Variants in CLINT1 observed in about 807,000 individuals in gnomAD.
CLINT1 encodes clathrin interacting protein localized in the trans-Golgi region.
A neutral mutation model predicts 70.4 loss-of-function variants in CLINT1; 15 were observed. The observed-to-expected ratio is 0.21, with a 90% CI of 0.14 to 0.33. The LOEUF (loss-of-function observed/expected upper bound fraction) is 0.33, where lower values mean the gene tolerates loss of function less well. Ranked by LOEUF, CLINT1 falls within the 10% of genes least tolerant of loss-of-function variation. CLINT1 has a pLI of 1.00. For synonymous variants in CLINT1, 227 were observed against 254.7 expected, an observed-to-expected ratio of 0.89 and a Z score of 1.04; for missense variants, 615 against 778.1, an observed-to-expected ratio of 0.79 and a Z score of 2.49.
At chr5:157,833,169 G>A (rs990644012) in intron 1 of CLINT1, among the ~76,000 whole-genome samples, 3 of 149,146 alleles carry the variant, frequency 2.0e-5, no homozygotes, top group Admixed American at 6.6e-5. Flanking sequence ...TGGCCAACAC[G>A]GTGAAACCCT....
intron 1 of CLINT1, among the ~76,000 whole-genome samples, chr5:157,844,421 G>A (rs1244905204): frequency 1.3e-5 from 2 of 152,018 alleles, no homozygotes; most frequent in Admixed American, 6.6e-5. Context: ...TTACAGAACC[G>A]TAAGCTGCCT....
chr5:157,857,408 C>T (rs935860820), intron 1 of CLINT1, among the ~76,000 whole-genome samples: 2 of 151,874 alleles, frequency 1.3e-5, no homozygotes, highest in African/African-American at 2.4e-5. Context: ...CTAAATAGTC[C>T]GAAATAAATA....
At chr5:157,825,565 T>C (rs1194751870) in intron 1 of CLINT1, among the ~76,000 whole-genome samples, 2 of 152,132 alleles carry the variant, frequency 1.3e-5, no homozygotes, top group African/African-American at 2.4e-5. Flanking sequence ...AAAATACCTT[T>C]AAAACATGGC....
chr5:157,826,167 G>A (rs1763029774), intron 1 of CLINT1, among the ~76,000 whole-genome samples: 1 of 152,094 alleles, frequency 6.6e-6, no homozygotes, highest in African/African-American at 2.4e-5. Flanking sequence ...GAAGATTAAA[G>A]ACCCTTGTGT....
At chr5:157,817,979 G>T (rs989076203) in intron 1 of CLINT1, among the ~76,000 whole-genome samples, 20 of 152,138 alleles carry the variant, frequency 1.3e-4, no homozygotes, top group African/African-American at 4.8e-4. Context: ...TGTAACAGCT[G>T]AACAGTATCT....
rs184071411 is a variant in CLINT1 at position 157,836,909 on chromosome 5, T to G, written c.42-19362A>C. ...AATTATTTTGTTTACTTGCTCTTTT[T>G]ATTTACCTCTACCAAAACTTGTTTA... On this transcript the variant is annotated intron_variant, in intron 1 of 11. Coordinates refer to ENST00000411809, the MANE Select transcript of CLINT1 (RefSeq NM_014666.4). 1.6e-3 allele frequency among the ~76,000 whole-genome samples: 244 copies of G among 152,320 alleles called. 2 individuals carry two copies. The highest frequency in any genetic ancestry group is 5.5e-3 in the African/African-American group (228 of 41,562).
At chr5:157,808,935 T>C (rs1762463332) in intron 6 of CLINT1, among the ~76,000 whole-genome samples, 1 of 152,090 alleles carries the variant, frequency 6.6e-6, no homozygotes, top group African/African-American at 2.4e-5. Context: ...CAAAATAATC[T>C]ATACAAGTTT....
chr5:157,833,665 C>T (rs781765599), intron 1 of CLINT1, among the ~76,000 whole-genome samples: 4 of 152,032 alleles, frequency 2.6e-5, no homozygotes, highest in African/African-American at 7.2e-5. Flanking sequence ...TGTATCAGAC[C>T]GGTGTGGCAG....
chr5:157,797,395 C>T (rs1340215288), intron 8 of CLINT1, among the ~76,000 whole-genome samples: 1 of 151,768 alleles, frequency 6.6e-6, no homozygotes, highest in African/African-American at 2.4e-5. Flanking sequence ...TTCTGTTTTT[C>T]TTTGTTTTTG....
rs187243473 is a variant in CLINT1 at position 157,836,936 on chromosome 5, A to G, written c.42-19389T>C. Among the ~76,000 whole-genome samples, 360 of 152,318 alleles carry G rather than the reference A, an allele frequency of 2.4e-3. 1 individual carries two copies. Among genetic ancestry groups the G allele is most frequent in the African/African-American group, 8.4e-3 (351 of 41,572 alleles). ...TTTACCTCTACCAAAACTTGTTTAC[A>G]GGTATATTTTCAAGTACCTACAAGA... On this transcript the variant is annotated intron_variant, in intron 1 of 11. Coordinates refer to ENST00000411809, the MANE Select transcript of CLINT1 (RefSeq NM_014666.4).
intron 5 of CLINT1, among the ~76,000 whole-genome samples, chr5:157,812,725 A>G (rs930908924): frequency 6.6e-6 from 1 of 152,160 alleles, no homozygotes. Context: ...TTTATACTCT[A>G]AACTCTGAGT....
Position 157,791,824 on chromosome 5 carries a change from G to C in CLINT1, c.1259C>G (p.Ser420Cys), listed in dbSNP as rs757048456. 4.3e-6 allele frequency: 7 copies of C among 1,613,902 alleles called. No homozygotes were observed. In the African/African-American group the frequency reaches 6.7e-5, roughly 15 times the overall value. ...ALGPPPAASNSSDLFDLMGSS... is the reference protein window; with the variant it reads ...ALGPPPAASNCSDLFDLMGSS... ...GCCCATAAGATCAAACAGGTCTGAA[G>C]AATTTGAGGCAGCAGGAGGTGGGCC... Residue 420 changes from serine to cysteine, a missense_variant, in exon 10 of 12, where the codon TCT becomes TGT. Transcript: ENST00000411809.
chr5:157,850,923 T>C (rs1275623514), intron 1 of CLINT1, among the ~76,000 whole-genome samples: 4 of 152,122 alleles, frequency 2.6e-5, no homozygotes, highest in Non-Finnish European at 2.9e-5. Flanking sequence ...GCCTCCCATG[T>C]AGCTGGGACT....
At chr5:157,839,626 C>CAAACA (rs1554102215) in intron 1 of CLINT1, among the ~76,000 whole-genome samples, 1 of 146,500 alleles carries the variant, frequency 6.8e-6, no homozygotes, top group African/African-American at 2.5e-5. Flanking sequence ...AAAAAACAAA[C>CAAACA]AAAAAAAAAC....
intron 1 of CLINT1, among the ~76,000 whole-genome samples, chr5:157,832,665 T>C (rs774174771): frequency 2.0e-5 from 3 of 152,214 alleles, no homozygotes; most frequent in African/African-American, 4.8e-5. Context: ...GCACCACAAA[T>C]TCATCACTAC....
Position 157,838,978 on chromosome 5 carries a change from T to C in CLINT1, c.41+19952A>G, listed in dbSNP as rs998961062. Reference sequence around the variant, plus strand: ...GACCAGGTGTGCTGGCTCATGCCTATAATCCCAGCACTTTGGGAGGTGGGC... The same window carrying C: ...GACCAGGTGTGCTGGCTCATGCCTACAATCCCAGCACTTTGGGAGGTGGGC... On this transcript the variant is annotated intron_variant, in intron 1 of 11. Transcript: ENST00000411809. Among the ~76,000 whole-genome samples the C allele has an allele frequency of 2.6e-5, 4 of 152,228 alleles. No individual in the cohort carries two copies. In the South Asian group the frequency reaches 6.2e-4, roughly 24 times the overall value.
intron 1 of CLINT1, among the ~76,000 whole-genome samples, chr5:157,833,672 G>A (rs977671067): frequency 6.6e-6 from 1 of 152,108 alleles, no homozygotes; most frequent in African/African-American, 2.4e-5. Flanking sequence ...GACCGGTGTG[G>A]CAGCTCACAC....
chr5:157,793,213 TC>T (rs944933371), intron 9 of CLINT1, among the ~76,000 whole-genome samples: 1 of 146,488 alleles, frequency 6.8e-6, no homozygotes, highest in African/African-American at 2.6e-5. Flanking sequence ...ACGTCTTTGA[TC>T]TTTTTTTTTT....
chr5:157,843,455 T>C (rs1047143100), intron 1 of CLINT1, among the ~76,000 whole-genome samples: 11 of 152,192 alleles, frequency 7.2e-5, no homozygotes, highest in African/African-American at 2.7e-4. Flanking sequence ...TACACAATAG[T>C]GGTTGTTCCT....
Sources: allele counts gnomAD v4.1 joint callset (sites outside exome capture counted in the v4.1 genomes callset), GRCh38; gene constraint gnomAD v4.1.1; transcripts MANE v1.5; gene names NCBI Gene and HGNC (gene_info 2026-07-23, HGNC 2026-07-21).